TRIM34: variants seen among roughly 807,000 people sequenced by gnomAD.
The protein encoded by TRIM34 is E3 ubiquitin-protein ligase TRIM34.
TRIM34 carries 41 observed loss-of-function variants against 38.1 expected under a neutral mutation model. The observed-to-expected ratio is 1.08, with a 90% CI of 0.84 to 1.40. The LOEUF (loss-of-function observed/expected upper bound fraction) is 1.40, where lower values mean the gene tolerates loss of function less well. Ranked by LOEUF, TRIM34 falls within the 40% of genes most tolerant of loss-of-function variation. The pLI, the probability that TRIM34 is intolerant of heterozygous loss-of-function variation, is 0.00. For missense variants in TRIM34, 556 were observed against 571.4 expected (o/e 0.97, Z 0.27); for synonymous variants, 200 against 202.5 (o/e 0.99, Z 0.10).
intron 1 of TRIM34, among the ~76,000 whole-genome samples, chr11:5,627,941 T>G (rs1849314970): frequency 6.6e-6 from 1 of 152,040 alleles, no homozygotes; most frequent in Non-Finnish European, 1.5e-5. Context: ...ATGTTAGGAG[T>G]CCAGATGTTA....
At chr11:5,636,556 G>A (rs1037055603) in intron 4 of TRIM34, among the ~76,000 whole-genome samples, 4 of 152,126 alleles carry the variant, frequency 2.6e-5, no homozygotes, top group East Asian at 1.9e-4. Context: ...AAAAGGTTCC[G>A]TAGGCCCTTT....
upstream of TRIM34, among the ~76,000 whole-genome samples, chr11:5,621,574 G>A (rs896143170): frequency 6.6e-6 from 1 of 152,184 alleles, no homozygotes; most frequent in African/African-American, 2.4e-5. Flanking sequence ...GTTTCCAAAA[G>A]TGATGATTTT....
intron 4 of TRIM34, among the ~76,000 whole-genome samples, chr11:5,640,925 G>T (rs1283976950): frequency 3.4e-5 from 3 of 89,436 alleles, no homozygotes; most frequent in African/African-American, 1.2e-4. Flanking sequence ...TATCTAATTT[G>T]TTGGCATACA....
At chr11:5,636,662 T>C (rs1189468207) in intron 4 of TRIM34, among the ~76,000 whole-genome samples, 2 of 152,234 alleles carry the variant, frequency 1.3e-5, no homozygotes, top group African/African-American at 4.8e-5. Flanking sequence ...ATTTGTCCTA[T>C]TTCAGTCAGT....
chr11:5,641,766 T>G (rs1004183503), intron 5 of TRIM34, among the ~76,000 whole-genome samples: 1 of 152,200 alleles, frequency 6.6e-6, no homozygotes, highest in South Asian at 2.1e-4. Context: ...CCTTGTTCCT[T>G]GTGTCTACCA....
At chr11:5,638,823 GACTTGGAA>G (rs1016327794) in intron 4 of TRIM34, among the ~76,000 whole-genome samples, 5 of 152,172 alleles carry the variant, frequency 3.3e-5, no homozygotes, top group African/African-American at 9.7e-5. Context: ...GATGCAGACA[GACTTGGAA>G]AAGAAGGGAG....
chr11:5,627,278 G>T (rs1037971387), intron 1 of TRIM34, among the ~76,000 whole-genome samples: 1 of 152,056 alleles, frequency 6.6e-6, no homozygotes, highest in African/African-American at 2.4e-5. Flanking sequence ...TACTCGGGAG[G>T]CTGAGGCAAG....
At chr11:5,622,211 C>T (rs1052180392), upstream of TRIM34, among the ~76,000 whole-genome samples, 9 of 151,954 alleles carry the variant, frequency 5.9e-5, no homozygotes, top group South Asian at 4.2e-4. Flanking sequence ...TTCGGGAGGC[C>T]GAGGCAAGCA....
chr11:5,638,792 CT>C (rs1486684286), intron 4 of TRIM34, among the ~76,000 whole-genome samples: 1 of 152,086 alleles, frequency 6.6e-6, no homozygotes, highest in Non-Finnish European at 1.5e-5. Flanking sequence ...AGTCTAGCTG[CT>C]TTTTTTCACA....
chr11:5,641,080 A>ATT, intron 4 of TRIM34, 87 bp from the exon 5 acceptor site: 1 of 1,377,432 alleles, frequency 7.3e-7, no homozygotes, highest in South Asian at 1.5e-5. Flanking sequence ...TGATTTTTCC[A>ATT]TTTTTTTTCC....
intron 1 of TRIM34, among the ~76,000 whole-genome samples, chr11:5,628,796 G>A (rs1359193367): frequency 1.5e-5 from 2 of 137,692 alleles, no homozygotes; most frequent in African/African-American, 2.5e-5. Context: ...CCAAGATGGC[G>A]GCAAAGTTGA....
intron 3 of TRIM34, 127 bp from the exon 4 acceptor site, chr11:5,634,492 TACACACACACAC>T (rs3060967): frequency 5.8e-4 from 133 of 228,022 alleles, no homozygotes; most frequent in Middle Eastern, 1.2e-3. Flanking sequence ...ATAATATAAA[TACACACACACAC>T]ACACACACAC....
At position 5,634,676 on chromosome 11, in the gene TRIM34, C is replaced by A; in HGVS notation, c.565C>A (p.Gln189Lys). 2 of 1,613,702 alleles carry A rather than the reference C, an allele frequency of 1.2e-6. No individual in the cohort carries two copies. The highest frequency in any genetic ancestry group is 2.2e-5 in the South Asian group (2 of 91,018). ...ERQRIQTEFD[Q>K]LRSILNNEEQ... ...ACAAAGGATACAAACAGAATTTGAT[C>A]AGCTTAGAAGCATCCTAAATAATGA... is the stretch of plus-strand genomic sequence containing the variant. Residue 189 changes from glutamine to lysine, a missense_variant, in exon 4 of 8, where the codon CAG becomes AAG. Gln to Lys is a moderately conservative substitution (Grantham distance 53). Transcript: ENST00000429814.
chr11:5,643,799 G>C lies in TRIM34; in HGVS notation c.*90G>C. The C allele has an allele frequency of 6.7e-7, 1 of 1,486,630 alleles. No individual in the cohort carries two copies. The highest frequency in any genetic ancestry group is 9.0e-7 in the Non-Finnish European group (1 of 1,116,114). 92.1% of individuals were successfully genotyped at this position (1,486,630 alleles called of 1,614,324 possible). A position where few individuals can be genotyped will look rare whatever the true frequency, so the allele number is the denominator to read the frequency against. The stretch of plus-strand genomic sequence containing the variant: ...AACATTCACACCATTGCTTCCTTGT[G>C]GTTTCCCTTCTTTAGAACTTTTACT... On this transcript the variant is annotated 3_prime_UTR_variant, in exon 8 of 8. Coordinates refer to ENST00000429814, the MANE Select transcript of TRIM34 (RefSeq NM_021616.6).
At chr11:5,639,160 G>C (rs1274522040) in intron 4 of TRIM34, among the ~76,000 whole-genome samples, 1 of 152,044 alleles carries the variant, frequency 6.6e-6, no homozygotes, top group African/African-American at 2.4e-5. Flanking sequence ...TAAAGGGTTT[G>C]TTTTCACATT....
chr11:5,629,143 G>A (rs187499869), intron 1 of TRIM34, among the ~76,000 whole-genome samples: 4 of 152,220 alleles, frequency 2.6e-5, no homozygotes, highest in African/African-American at 7.2e-5. Flanking sequence ...TGGGCGTGGT[G>A]GCATACACCT....
chr11:5,634,936 T>A (rs1849668190), intron 4 of TRIM34, 75 bp downstream of exon 4: 4 of 1,514,922 alleles, frequency 2.6e-6, no homozygotes, highest in Non-Finnish European at 3.6e-6. Context: ...ATCCTGGTGG[T>A]GACACTAAGG....
chr11:5,627,418 T>A (rs1849294619), intron 1 of TRIM34, among the ~76,000 whole-genome samples: 1 of 152,030 alleles, frequency 6.6e-6, no homozygotes, highest in Non-Finnish European at 1.5e-5. Context: ...TCAGCAAGAC[T>A]AGTGGAAGAA....
chr11:5,626,496 G>A (rs1849241175), intron 1 of TRIM34: 1 of 152,192 alleles, frequency 6.6e-6, no homozygotes, highest in African/African-American at 2.4e-5. Context: ...AAGAATGCGA[G>A]GAAATTAAAG....
Sources: allele counts gnomAD v4.1 joint callset (sites outside exome capture counted in the v4.1 genomes callset), GRCh38; gene constraint gnomAD v4.1.1; transcripts MANE v1.5; gene names NCBI Gene and HGNC (gene_info 2026-07-23, HGNC 2026-07-21).